ADGRL3: variants seen among roughly 807,000 people sequenced by gnomAD.
ADGRL3 encodes the protein calcium-independent alpha-latrotoxin receptor 3.
Under a neutral mutation model 153.5 loss-of-function variants are expected in ADGRL3, and 62 were observed. That is an observed-to-expected ratio of 0.40 (90% CI 0.33 to 0.50). The LOEUF is 0.50. Among genes scored for constraint, ADGRL3 ranks in the 20% least tolerant of loss-of-function variants. ADGRL3 has a pLI of 0.47. For missense variants in ADGRL3, 1,641 were observed against 1,859.4 expected (o/e 0.88, Z 2.16); for synonymous variants, 710 against 672.5 (o/e 1.06, Z -0.86).
intron 2 of ADGRL3, among the ~76,000 whole-genome samples, chr4:61,457,891 TA>T (rs1485080388): frequency 4.0e-5 from 6 of 151,724 alleles, no homozygotes; most frequent in Non-Finnish European, 8.9e-5. Context: ...GATAGATAGA[TA>T]GATAGATAGA....
chr4:61,382,376 A>G (rs1281471444), intron 1 of ADGRL3, among the ~76,000 whole-genome samples: 2 of 151,634 alleles, frequency 1.3e-5, no homozygotes, highest in Admixed American at 6.6e-5. Flanking sequence ...AGAACATTCA[A>G]AAATTGATAT....
At chr4:61,616,596 C>G (rs2092028225) in intron 5 of ADGRL3, among the ~76,000 whole-genome samples, 1 of 152,112 alleles carries the variant, frequency 6.6e-6, no homozygotes, top group South Asian at 2.1e-4. Flanking sequence ...AAAATAGTCT[C>G]TATCCAACTA....
In ADGRL3 at chr4:61,682,310, G is replaced by GT. The variant is rs2095354168; in HGVS notation, c.583+5382dup. On this transcript the variant is annotated intron_variant, in intron 6 of 26. Transcript: ENST00000683033. ...ATATTTATAACAAGAGCAACAAAAT[G>GT]TTTTTTTCTTCTCTCCCATTCTTTC... 4.0e-5 allele frequency among the ~76,000 whole-genome samples: 6 copies of GT among 151,652 alleles called. 1 individual carries two copies. Among genetic ancestry groups the GT allele is most frequent in the African/African-American group, 1.4e-4 (6 of 41,406 alleles).
rs1057430523 is a variant in ADGRL3 at position 61,527,163 on chromosome 4, A to G, written c.259+9645A>G. Among the ~76,000 whole-genome samples the G allele has an allele frequency of 2.6e-5, 4 of 152,042 alleles. No homozygotes were observed. The South Asian group carries it at 6.2e-4, about 24-fold the overall frequency. ...AATTCAAAAATATATAGATTTCTCAATTTTATTGAAAACTTCTTATAAATG... is the reference window on the plus strand; with the variant it reads ...AATTCAAAAATATATAGATTTCTCAGTTTTATTGAAAACTTCTTATAAATG... On this transcript the variant is annotated intron_variant, in intron 4 of 26. Transcript: ENST00000683033.
intron 9 of ADGRL3, among the ~76,000 whole-genome samples, chr4:61,835,337 G>GAAAAAAAAAAAAAA (rs34440166): frequency 3.0e-5 from 1 of 33,058 alleles, no homozygotes; most frequent in African/African-American, 1.1e-4. Flanking sequence ...TGGCAAGACT[G>GAAAAAAAAAAAAAA]AAAAAAAAAA....
chr4:61,744,411 T>C (rs1276941369), intron 8 of ADGRL3, among the ~76,000 whole-genome samples: 1 of 152,124 alleles, frequency 6.6e-6, no homozygotes, highest in African/African-American at 2.4e-5. Flanking sequence ...GACTGCCTCC[T>C]CAAGTGGGTC....
chr4:61,619,936 CTG>C (rs2092377907), intron 5 of ADGRL3, among the ~76,000 whole-genome samples: 1 of 152,118 alleles, frequency 6.6e-6, no homozygotes, highest in Non-Finnish European at 1.5e-5. Context: ...AAAATTTCAT[CTG>C]TGTCAAGTTT....
At chr4:62,008,290 TAATTTGGTAAGAATACAC>T (rs2099168766) in intron 21 of ADGRL3, among the ~76,000 whole-genome samples, 1 of 152,180 alleles carries the variant, frequency 6.6e-6, no homozygotes, top group Non-Finnish European at 1.5e-5. Flanking sequence ...CTCTTCCTTT[TAATTTGGTAAGAATACAC>T]AATTAGTTGA....
chr4:61,911,271 A>G (rs2098720650), intron 12 of ADGRL3, among the ~76,000 whole-genome samples: 1 of 152,190 alleles, frequency 6.6e-6, no homozygotes, highest in South Asian at 2.1e-4. Flanking sequence ...AATATCAGGT[A>G]AAGCTGGCAA....
chr4:61,634,127 C>A (rs1233088814), intron 5 of ADGRL3, among the ~76,000 whole-genome samples: 1 of 152,126 alleles, frequency 6.6e-6, no homozygotes, highest in African/African-American at 2.4e-5. Flanking sequence ...ATTTTACGTA[C>A]AATCCTAAGT....
chr4:61,767,746 T>C lies in ADGRL3; in HGVS notation c.1399+34192T>C, dbSNP rs1434673339. 3.3e-5 allele frequency among the ~76,000 whole-genome samples: 5 copies of C among 152,276 alleles called. No homozygotes were observed. The East Asian group carries it at 5.8e-4, about 18-fold the overall frequency. ...TGGCCCAGTGGCCAGATTTCCGGCA[T>C]GTGTAGCAAGTTCCTGGGGGAGGAG... On this transcript the variant is annotated intron_variant, in intron 8 of 26. Transcript: ENST00000683033.
intron 8 of ADGRL3, among the ~76,000 whole-genome samples, chr4:61,761,243 A>G (rs1037853328): frequency 6.6e-6 from 1 of 152,336 alleles, no homozygotes; most frequent in East Asian, 1.9e-4. Flanking sequence ...TAGTCCTACA[A>G]AGGCAATCTA....
intron 17 of ADGRL3, among the ~76,000 whole-genome samples, chr4:61,950,183 G>A (rs2150339959): frequency 6.6e-6 from 1 of 152,212 alleles, no homozygotes; most frequent in East Asian, 1.9e-4. Flanking sequence ...CAGCACATAT[G>A]TGTTAGTAGT....
intron 5 of ADGRL3, among the ~76,000 whole-genome samples, chr4:61,667,530 ATTAAT>A (rs1359214220): frequency 5.9e-5 from 9 of 152,330 alleles, no homozygotes; most frequent in South Asian, 2.1e-4. Context: ...ACACTGAAAC[ATTAAT>A]TTAATATAAA....
chr4:61,754,381 C>A (rs1352530339), intron 8 of ADGRL3, among the ~76,000 whole-genome samples: 1 of 151,514 alleles, frequency 6.6e-6, no homozygotes, highest in Non-Finnish European at 1.5e-5. Flanking sequence ...TTATAGTTTC[C>A]CAGATTGTTG....
chr4:61,372,892 C>T (rs1463881688), intron 1 of ADGRL3, among the ~76,000 whole-genome samples: 2 of 151,920 alleles, frequency 1.3e-5, no homozygotes, highest in African/African-American at 4.8e-5. Context: ...CTCCGTGGGG[C>T]AGGACCCTCC....
intron 4 of ADGRL3, among the ~76,000 whole-genome samples, chr4:61,553,405 G>T (rs1442759852): frequency 2.0e-5 from 3 of 152,138 alleles, no homozygotes; most frequent in Non-Finnish European, 4.4e-5. Flanking sequence ...GGGCAGATGA[G>T]AGAGATTTTC....
At chr4:61,733,921 T>C (rs1368817866) in intron 8 of ADGRL3, among the ~76,000 whole-genome samples, 2 of 152,226 alleles carry the variant, frequency 1.3e-5, no homozygotes, top group Non-Finnish European at 2.9e-5. Context: ...ACAGAAGTGC[T>C]GTCTACTTGG....
chr4:61,230,371 T>C (rs538376849), intron 1 of ADGRL3, among the ~76,000 whole-genome samples: 5 of 152,296 alleles, frequency 3.3e-5, no homozygotes, highest in South Asian at 4.1e-4. Flanking sequence ...TCAGATATTA[T>C]AAGTGTTCCA....
Sources: gnomAD v4.1 joint callset for allele counts (sites outside exome capture counted in the v4.1 genomes callset) on GRCh38, gnomAD v4.1.1 for gene constraint, MANE v1.5 for transcripts, NCBI Gene and HGNC (gene_info 2026-07-23, HGNC 2026-07-21) for gene names.